ARK2C: variants seen among roughly 807,000 people sequenced by gnomAD.
The protein encoded by ARK2C is E3 ubiquitin-protein ligase ARK2C.
chr18:46,380,381 A>G, the ARK2C span, among the ~76,000 whole-genome samples: 1 of 152,242 alleles, frequency 6.6e-6, no homozygotes, highest in African/African-American at 2.4e-5. Flanking sequence ...AAGGAGGCCC[A>G]GAGGAACTTG....
At chr18:46,357,784 A>G in the ARK2C span, among the ~76,000 whole-genome samples, 1 of 152,214 alleles carries the variant, frequency 6.6e-6, no homozygotes, top group Non-Finnish European at 1.5e-5. Flanking sequence ...GGGTGGCTTT[A>G]GACAACAGAA....
the ARK2C span, chr18:46,435,316 C>T: frequency 6.2e-7 from 1 of 1,614,108 alleles, no homozygotes; most frequent in Non-Finnish European, 8.5e-7. Flanking sequence ...TATCTGTCCA[C>T]CCCCACCGCC....
chr18:46,336,376 C>CA, the ARK2C span: 1 of 972,570 alleles, frequency 1.0e-6, no homozygotes, highest in Non-Finnish European at 1.2e-6. Flanking sequence ...CTCCCTCACC[C>CA]CCCCCAACAA....
At chr18:46,434,473 G>T in the ARK2C span, among the ~76,000 whole-genome samples, 1 of 152,102 alleles carries the variant, frequency 6.6e-6, no homozygotes, top group African/African-American at 2.4e-5. Flanking sequence ...CTTAATAGAA[G>T]GCAGCTGTGT....
At chr18:46,351,010 G>A in the ARK2C span, among the ~76,000 whole-genome samples, 1 of 152,232 alleles carries the variant, frequency 6.6e-6, no homozygotes, top group Non-Finnish European at 1.5e-5. Flanking sequence ...CGCCAGCAGC[G>A]CTGAGACCAG....
At chr18:46,413,259 C>T in the ARK2C span, among the ~76,000 whole-genome samples, 12,052 of 152,110 alleles carry the variant, frequency 0.079, 980 homozygotes, top group East Asian at 0.39. Context: ...TATAAAGCAG[C>T]GTCGCTCAAG....
the ARK2C span, among the ~76,000 whole-genome samples, chr18:46,412,846 T>C: frequency 6.6e-6 from 1 of 152,062 alleles, no homozygotes; most frequent in African/African-American, 2.4e-5. Context: ...CCATATCTTG[T>C]TATAGATAAG....
chr18:46,460,903 A>AC, the ARK2C span: 21 of 150,820 alleles, frequency 1.4e-4, no homozygotes, highest in Non-Finnish European at 2.2e-4. Context: ...TACACTTGGC[A>AC]CCCCCCCGCC....
the ARK2C span, among the ~76,000 whole-genome samples, chr18:46,345,784 AG>A: frequency 6.6e-6 from 1 of 152,234 alleles, no homozygotes; most frequent in Non-Finnish European, 1.5e-5. Context: ...CATTTCATTC[AG>A]GCAGGTCAGT....
chr18:46,447,504 C>T, the ARK2C span: 1 of 1,606,322 alleles, frequency 6.2e-7, no homozygotes, highest in East Asian at 2.2e-5. Context: ...TCTGAGGTCC[C>T]TTCTCTAACC....
chr18:46,386,675 A>G, the ARK2C span: 3 of 152,246 alleles, frequency 2.0e-5, no homozygotes, highest in African/African-American at 4.8e-5. Flanking sequence ...TGAACAAAAC[A>G]GGATCTTTTC....
At chr18:46,433,356 C>T in the ARK2C span, 2 of 1,612,986 alleles carry the variant, frequency 1.2e-6, no homozygotes, top group African/African-American at 1.3e-5. Context: ...AGCACAGCGG[C>T]GCCCTGCACC....
chr18:46,395,898 T>C, the ARK2C span, among the ~76,000 whole-genome samples: 9 of 152,170 alleles, frequency 5.9e-5, no homozygotes, highest in South Asian at 2.1e-4. Flanking sequence ...GAAAGCCCAG[T>C]AGTTCTTCCG....
At chr18:46,437,003 C>A in the ARK2C span, among the ~76,000 whole-genome samples, 1 of 152,204 alleles carries the variant, frequency 6.6e-6, no homozygotes, top group African/African-American at 2.4e-5. Flanking sequence ...GGAGGAGCAG[C>A]ACAGGTGCTG....
At chr18:46,334,789 G>C in the ARK2C span, 1 of 256,684 alleles carries the variant, frequency 3.9e-6, no homozygotes, top group African/African-American at 2.5e-5. This position sits in a 1 kb window ranked among gnomAD's most constrained non-coding sequence, Gnocchi z 4.4. Context: ...GTATATGTGT[G>C]TTTTGTGTTA....
At chr18:46,385,252 C>G in the ARK2C span, among the ~76,000 whole-genome samples, 1 of 152,160 alleles carries the variant, frequency 6.6e-6, no homozygotes, top group Non-Finnish European at 1.5e-5. Flanking sequence ...CTTCCTGGGC[C>G]TCAAATCTAA....
chr18:46,399,048 G>C, the ARK2C span, among the ~76,000 whole-genome samples: 1 of 152,272 alleles, frequency 6.6e-6, no homozygotes, highest in African/African-American at 2.4e-5. Flanking sequence ...AGTTCAACAT[G>C]GTCCCAGGAG....
chr18:46,444,951 GT>G, the ARK2C span, among the ~76,000 whole-genome samples: 1 of 151,576 alleles, frequency 6.6e-6, no homozygotes, highest in Non-Finnish European at 1.5e-5. Flanking sequence ...ACTCTTCTCT[GT>G]TTTCATGTTT....
At chr18:46,397,506 G>GT in the ARK2C span, among the ~76,000 whole-genome samples, 1 of 124,580 alleles carries the variant, frequency 8.0e-6, no homozygotes, top group Admixed American at 8.2e-5. Context: ...GTGTGTGTGT[G>GT]GTCATGCTGA....
Sources: gnomAD v4.1 joint callset for allele counts (sites outside exome capture counted in the v4.1 genomes callset) on GRCh38, gnomAD v4.1.1 for gene constraint, Gnocchi (gnomAD v3.1) non-coding constraint, MANE v1.5 for transcripts, NCBI Gene and HGNC (gene_info 2026-07-23, HGNC 2026-07-21) for gene names.